The following IGDCC4 variants were observed in gnomAD, a reference collection of about 807,000 sequenced individuals.
The protein encoded by IGDCC4 is immunoglobulin superfamily DCC subclass member 4.
Under a neutral mutation model 116.6 loss-of-function variants are expected in IGDCC4, and 72 were observed. That is an observed-to-expected ratio of 0.62 (90% CI 0.51 to 0.75). The LOEUF (loss-of-function observed/expected upper bound fraction) is 0.75. IGDCC4 is among the 30% of genes least tolerant of loss of function. The pLI, the probability that IGDCC4 is intolerant of heterozygous loss-of-function variation, is 0.00. For synonymous variants in IGDCC4, 709 were observed against 719.9 expected, an observed-to-expected ratio of 0.98 and a Z score of 0.24; for missense variants, 1,501 against 1,662.4, an observed-to-expected ratio of 0.90 and a Z score of 1.69.
rs1250235397 is a variant in IGDCC4 at position 65,385,960 on chromosome 15, T to C, written c.3051A>G (p.Glu1017=). The C allele has an allele frequency of 6.2e-7, 1 of 1,601,498 alleles. No individual in the cohort carries two copies. Among genetic ancestry groups the C allele is most frequent in the East Asian group, 2.2e-5 (1 of 44,732 alleles). The change falls in exon 18 of 20, where the codon GAA becomes GAG. Residue 1017 remains glutamate, a synonymous_variant. Coordinates refer to ENST00000352385, the MANE Select transcript of IGDCC4 (RefSeq NM_020962.3). Reference sequence around the variant, plus strand: ...GATGGGGGTGCACAAGGGACTCCAATTCATGGGCAGCTGGGGGGCTGGGGG... The same window carrying C: ...GATGGGGGTGCACAAGGGACTCCAACTCATGGGCAGCTGGGGGGCTGGGGG... The part of the protein sequence containing the change: ...LGPPSPPAAH[E]LESLVHPHPQ...
chr15:65,391,991 G>T lies in IGDCC4; in HGVS notation c.2123-10C>A, dbSNP rs191914860. On this transcript the variant is annotated splice_polypyrimidine_tract_variant and intron_variant, in intron 11 of 19. Transcript: ENST00000352385. ...TACAGCCGGCCAGGGACTGGGGAAG[G>T]TTACAGGGCTTAATGGCTAGGGGGA... is the stretch of plus-strand genomic sequence containing the variant. 1,530 of 1,603,188 alleles carry T rather than the reference G, an allele frequency of 9.5e-4. 8 individuals are homozygous for T. In the African/African-American group the frequency reaches 0.018, roughly 19 times the overall value.
chr15:65,421,674 C>G (rs1434765861), intron 1 of IGDCC4, among the ~76,000 whole-genome samples: 1 of 149,576 alleles, frequency 6.7e-6, no homozygotes, highest in Admixed American at 6.6e-5. Flanking sequence ...AAATCCCCCT[C>G]CCCACCCCCA....
At chr15:65,388,764 GC>G (rs2091485303) in intron 15 of IGDCC4, 43 bp downstream of exon 15, 1 of 1,612,132 alleles carries the variant, frequency 6.2e-7, no homozygotes, top group South Asian at 1.1e-5. Context: ...AGCGGGAGAG[GC>G]TGGGAAGCTC....
intron 16 of IGDCC4, among the ~76,000 whole-genome samples, chr15:65,387,751 T>C (rs1043438513): frequency 6.6e-6 from 1 of 151,428 alleles, no homozygotes; most frequent in East Asian, 1.9e-4. Context: ...CTCCACACCA[T>C]AAAGCTCATC....
Position 65,411,298 on chromosome 15 carries a change from C to T in IGDCC4, c.143G>A (p.Gly48Asp). The T allele has an allele frequency of 6.2e-7, 1 of 1,610,852 alleles. No individual in the cohort carries two copies. Reference sequence around the variant, plus strand: ...GTTTAGCACTGCAGCCTGCTCTGGGCCCAGGATCACTTGCAGTGGCCCCAC... The same window carrying T: ...GTTTAGCACTGCAGCCTGCTCTGGGTCCAGGATCACTTGCAGTGGCCCCAC... ...CGVGPLQVIL[G>D]PEQAAVLNCS... Residue 48 changes from glycine (G) to aspartate (D), a missense_variant, in exon 2 of 20, where the codon GGC (glycine) becomes GAC (aspartate). By Grantham distance (94) the Gly-to-Asp change is moderately conservative. Coordinates refer to ENST00000352385, the MANE Select transcript of IGDCC4 (RefSeq NM_020962.3).
chr15:65,410,169 G>A lies in IGDCC4; in HGVS notation c.563+9C>T, dbSNP rs1252027795. The A allele has an allele frequency of 6.2e-7, 1 of 1,611,940 alleles. No homozygotes were observed. Among genetic ancestry groups the A allele is most frequent in the African/African-American group, 1.3e-5 (1 of 74,834 alleles). On this transcript the variant is annotated intron_variant, in intron 3 of 19. Coordinates refer to ENST00000352385, the MANE Select transcript of IGDCC4 (RefSeq NM_020962.3). ...CCTACCAGGACCCGCTCCCCTACAGGGCACTCACCGAGGCTCCTCAGGCAA... is the reference window on the plus strand; with the variant it reads ...CCTACCAGGACCCGCTCCCCTACAGAGCACTCACCGAGGCTCCTCAGGCAA...
At chr15:65,417,857 A>G (rs1488119773) in intron 1 of IGDCC4, among the ~76,000 whole-genome samples, 2 of 152,130 alleles carry the variant, frequency 1.3e-5, no homozygotes. Context: ...TGGCCTCCCA[A>G]AGTGCTGGGA....
chr15:65,400,429 C>T (rs1051173093), intron 5 of IGDCC4, among the ~76,000 whole-genome samples: 3 of 152,236 alleles, frequency 2.0e-5, no homozygotes, highest in African/African-American at 4.8e-5. Context: ...TTCCACCTAA[C>T]TCACTGGCTG....
intron 6 of IGDCC4, 39 bp downstream of exon 6, chr15:65,396,795 C>G (rs746574267): frequency 7.1e-6 from 11 of 1,547,446 alleles, no homozygotes; most frequent in Non-Finnish European, 9.6e-6. Flanking sequence ...CACCCCAGCC[C>G]CAGCTAACCC....
In IGDCC4 at chr15:65,393,288, G is replaced by T. The variant is rs932227171; in HGVS notation, c.1885+73C>A. ...GGAGGGCGGGGCCAGGGGGTGGGGC[G>T]CTGGGTCCCAAGGACACACGCACAC... On this transcript the variant is annotated intron_variant, in intron 10 of 19. Coordinates refer to ENST00000352385, the MANE Select transcript of IGDCC4 (RefSeq NM_020962.3). The surrounding 1 kb of genome is among the most constrained non-coding windows in gnomAD (Gnocchi z 4.6). The T allele has an allele frequency of 1.4e-6, 2 of 1,448,482 alleles. No homozygotes were observed. The highest frequency in any genetic ancestry group is 1.8e-6 in the Non-Finnish European group (2 of 1,089,542). The allele number at this position is 1,448,482 out of a possible 1,614,324, so 89.7% of individuals were successfully genotyped here.
Position 65,422,763 on chromosome 15 carries a change from G to C in IGDCC4, c.70+30C>G, listed in dbSNP as rs556627796. 20 of 1,328,620 alleles carry C rather than the reference G, an allele frequency of 1.5e-5. No individual in the cohort carries two copies. In the East Asian group the frequency reaches 5.4e-4, roughly 36 times the overall value. The allele number at this position is 1,328,620 out of a possible 1,614,324, so 82.3% of individuals were successfully genotyped here. On this transcript the variant is annotated intron_variant, in intron 1 of 19. Transcript: ENST00000352385. ...GCGGGCGCACCAGCACTCCGCAGTC[G>C]CTCCTGCCTCTCCGGGCGCCCGCCC...
At position 65,393,593 on chromosome 15, in the gene IGDCC4, C is replaced by T; in HGVS notation, c.1715-62G>A. The T allele has an allele frequency of 6.7e-7, 1 of 1,497,194 alleles. No individual in the cohort carries two copies. The highest frequency in any genetic ancestry group is 9.0e-7 in the Non-Finnish European group (1 of 1,108,388). 92.7% of individuals were successfully genotyped at this position (1,497,194 alleles called of 1,614,324 possible). A position where few individuals can be genotyped will look rare whatever the true frequency, so the allele number is the denominator to read the frequency against. ...CCTGAGGAACAGGATCCTAAACCCC[C>T]CTACATGGCTCTTCCGCCTCACATC... On this transcript the variant is annotated intron_variant, in intron 9 of 19. Transcript: ENST00000352385. The surrounding 1 kb of genome is among the most constrained non-coding windows in gnomAD (Gnocchi z 4.6).
rs762110762 is a variant in IGDCC4 at position 65,391,893 on chromosome 15, C to T, written c.2211G>A (p.Lys737=). The T allele has an allele frequency of 3.1e-6, 5 of 1,613,894 alleles. No individual in the cohort carries two copies. In the South Asian group the frequency reaches 5.5e-5, roughly 18 times the overall value. ...CACCGCCCTCACCTGGTGCCGGCGC[C>T]TTCTCCGTCTTGCCCTTCCACACTG... is the stretch of plus-strand genomic sequence containing the variant. ...YAAVWKGKTE[K]APAPDMPIQR... The change falls in exon 12 of 20, where the codon AAG becomes AAA. Residue 737 remains lysine (K), a synonymous_variant. Transcript: ENST00000352385.
At position 65,395,213 on chromosome 15, in the gene IGDCC4, G is replaced by C; in HGVS notation, c.1457C>G (p.Thr486Arg). ...TTCCAGGTCCCGAACCTGTAGTTCT[G>C]TGGTGTCGTTGTTCACTGCAAACTG... The part of the protein sequence containing the change: ...EYQFAVNNDT[T>R]ELQVRDLEPN... Residue 486 changes from threonine (T) to arginine (R), a missense_variant, in exon 8 of 20, where the codon ACA becomes AGA. This residue lies in a region of IGDCC4 where 898 missense variants were observed against 978.9 expected (regional missense o/e 0.92). Coordinates refer to ENST00000352385, the MANE Select transcript of IGDCC4 (RefSeq NM_020962.3). The C allele has an allele frequency of 6.2e-7, 1 of 1,613,868 alleles. No individual in the cohort carries two copies. The highest frequency in any genetic ancestry group is 8.5e-7 in the Non-Finnish European group (1 of 1,179,832).
chr15:65,410,996 C>T, intron 2 of IGDCC4, 24 bp downstream of exon 2: 2 of 1,575,582 alleles, frequency 1.3e-6, no homozygotes, highest in Non-Finnish European at 8.6e-7. Context: ...CAGCCTCAGA[C>T]CCCCGCCCGA....
intron 2 of IGDCC4, chr15:65,410,529 T>G: frequency 1.7e-6 from 1 of 599,178 alleles, no homozygotes; most frequent in South Asian, 2.0e-5. Flanking sequence ...AAAGCCCCCC[T>G]GCCCAACATC....
At chr15:65,387,371 C>G (rs894822654) in intron 16 of IGDCC4, among the ~76,000 whole-genome samples, 6 of 146,972 alleles carry the variant, frequency 4.1e-5, no homozygotes, top group African/African-American at 1.5e-4. Flanking sequence ...GTTTTTGAGA[C>G]GGAGTCTCGC....
intron 3 of IGDCC4, among the ~76,000 whole-genome samples, chr15:65,407,937 G>C (rs751857983): frequency 5.3e-5 from 8 of 150,086 alleles, no homozygotes; most frequent in South Asian, 2.1e-4. Flanking sequence ...CCCGGCCTAA[G>C]TTTTGTATTT....
chr15:65,410,028 T>C, intron 3 of IGDCC4, 150 bp downstream of exon 3: 1 of 932,456 alleles, frequency 1.1e-6, no homozygotes, highest in Non-Finnish European at 1.6e-6. Flanking sequence ...TCTTTGGGAC[T>C]AGACATGAGC....
Sources: gnomAD v4.1 joint callset for allele counts (sites outside exome capture counted in the v4.1 genomes callset) on GRCh38, gnomAD v4.1.1 for gene constraint, gnomAD v4.1.1 regional missense constraint, Gnocchi (gnomAD v3.1) non-coding constraint, MANE v1.5 for transcripts, NCBI Gene and HGNC (gene_info 2026-07-23, HGNC 2026-07-21) for gene names.